The following PSIP1 variants were observed in gnomAD, a reference collection of about 807,000 sequenced individuals.
PSIP1 encodes the protein PC4 and SRSF1 interacting protein 1.
In PSIP1, 19 loss-of-function variants were observed where a neutral mutation model predicts 74.7. The ratio of observed to expected loss-of-function variants is 0.25; its 90% CI spans 0.18 to 0.37. The LOEUF is 0.37. Ranked by LOEUF, PSIP1 falls within the 10% of genes least tolerant of loss-of-function variation. The probability of loss-of-function intolerance (pLI) is 1.00; values close to 1 mark genes in which losing one functional copy is unlikely to be tolerated. For missense variants in PSIP1, 601 were observed against 614.3 expected (o/e 0.98, Z 0.23); for synonymous variants, 222 against 195.3 (o/e 1.14, Z -1.14).
At chr9:15,493,584 AC>A (rs1445055814) in intron 3 of PSIP1, among the ~76,000 whole-genome samples, 1 of 152,204 alleles carries the variant, frequency 6.6e-6, no homozygotes, top group African/African-American at 2.4e-5. Context: ...ATGAGGAAAT[AC>A]CCAAGACTGG....
chr9:15,507,484 C>CA (rs1461786515), intron 2 of PSIP1, among the ~76,000 whole-genome samples: 1 of 151,988 alleles, frequency 6.6e-6, no homozygotes, highest in Non-Finnish European at 1.5e-5. Context: ...CCGGTCTCTA[C>CA]TAAAAATACA....
chr9:15,504,037 G>A (rs370981410), intron 3 of PSIP1, among the ~76,000 whole-genome samples: 5 of 152,152 alleles, frequency 3.3e-5, no homozygotes, highest in East Asian at 1.9e-4. Flanking sequence ...AAGCCACCGC[G>A]CCCAGCCCAA....
chr9:15,492,605 C>A (rs1052688765), intron 3 of PSIP1, among the ~76,000 whole-genome samples: 9 of 152,156 alleles, frequency 5.9e-5, no homozygotes, highest in Non-Finnish European at 8.8e-5. Flanking sequence ...ACAGCCAGTG[C>A]CCCAGTGCGG....
intron 9 of PSIP1, among the ~76,000 whole-genome samples, chr9:15,473,367 C>T (rs1192660092): frequency 2.0e-5 from 3 of 152,148 alleles, no homozygotes; most frequent in East Asian, 1.9e-4. Flanking sequence ...TCACTGGCCA[C>T]AGCCTATTTC....
intron 6 of PSIP1, chr9:15,485,778 T>C (rs1330842923): frequency 2.6e-6 from 1 of 385,770 alleles, no homozygotes; most frequent in Non-Finnish European, 4.6e-6. Flanking sequence ...TTAAAATGAA[T>C]GAAAACTGGT....
chr9:15,478,461 T>A lies in PSIP1; in HGVS notation c.629+16A>T, dbSNP rs763966320. Reference sequence around the variant, plus strand: ...GTCTCATTTATTGCATAATTATACATTAAAAATAAACTCACATGTCACTCT... The same window carrying A: ...GTCTCATTTATTGCATAATTATACAATAAAAATAAACTCACATGTCACTCT... On this transcript the variant is annotated intron_variant, in intron 8 of 15. Transcript: ENST00000380733. 6.5e-7 allele frequency: 1 copy of A among 1,542,340 alleles called. No homozygotes were observed. The highest frequency in any genetic ancestry group is 1.1e-5 in the South Asian group (1 of 88,690).
At chr9:15,493,440 T>A (rs2036926756) in intron 3 of PSIP1, among the ~76,000 whole-genome samples, 1 of 152,198 alleles carries the variant, frequency 6.6e-6, no homozygotes, top group African/African-American at 2.4e-5. Flanking sequence ...CCTGTCTTCT[T>A]GTGAGCCCTC....
chr9:15,481,219 A>C (rs753416815), intron 6 of PSIP1, among the ~76,000 whole-genome samples: 3 of 152,190 alleles, frequency 2.0e-5, no homozygotes, highest in Non-Finnish European at 4.4e-5. Context: ...CTGTGTTTTT[A>C]TAAAGCTCCC....
chr9:15,499,745 G>A (rs1295026253), intron 3 of PSIP1, among the ~76,000 whole-genome samples: 6 of 151,992 alleles, frequency 3.9e-5, no homozygotes, highest in Non-Finnish European at 8.8e-5. Flanking sequence ...TTGGGGGCGC[G>A]TCCCTGTAAT....
intron 8 of PSIP1, among the ~76,000 whole-genome samples, chr9:15,478,127 TAAAAAA>T (rs570873100): frequency 2.8e-5 from 3 of 108,228 alleles, no homozygotes; most frequent in East Asian, 5.0e-4. Context: ...ACCCCATCTT[TAAAAAA>T]AAAAAAAAAA....
At chr9:15,501,866 T>TATATATATATATATATATATAA (rs1491160431) in intron 3 of PSIP1, among the ~76,000 whole-genome samples, 73 of 135,650 alleles carry the variant, frequency 5.4e-4, no homozygotes, top group South Asian at 3.9e-3. Flanking sequence ...TATATATATA[T>TATATATATATATATATATATAA]AAAACGCACA....
At chr9:15,465,659 A>T (rs553811144) in intron 15 of PSIP1, 79 bp from the exon 16 acceptor site, 1 of 1,230,336 alleles carries the variant, frequency 8.1e-7, no homozygotes, top group African/African-American at 1.5e-5. Flanking sequence ...AGTCTGCATT[A>T]TATTTTTAAA....
In PSIP1 at chr9:15,500,205, G is replaced by A. The variant is rs142243453; in HGVS notation, c.149+6356C>T. 8.5e-5 allele frequency among the ~76,000 whole-genome samples: 13 copies of A among 152,242 alleles called. 2 individuals are homozygous for A. In the East Asian group the frequency reaches 1.4e-3, roughly 16 times the overall value. ...AATAGGGCTGGGCGTGGTGGCTCAC[G>A]CCTGTAATCCCAGCACTGTGGAGGC... is the stretch of plus-strand genomic sequence containing the variant. On this transcript the variant is annotated intron_variant, in intron 3 of 15. Coordinates refer to ENST00000380733, the MANE Select transcript of PSIP1 (RefSeq NM_033222.5).
At chr9:15,468,316 A>G (rs2035715078) in intron 14 of PSIP1, 2 of 579,746 alleles carry the variant, frequency 3.4e-6, no homozygotes, top group South Asian at 1.4e-5. Flanking sequence ...CAGCTGAGCA[A>G]CCAGGAAGTG....
At chr9:15,509,306 CTGTT>C (rs2037741372) in intron 2 of PSIP1, among the ~76,000 whole-genome samples, 1 of 152,190 alleles carries the variant, frequency 6.6e-6, no homozygotes, top group South Asian at 2.1e-4. Context: ...CTATCTATCT[CTGTT>C]TGAGAGCCTG....
At position 15,464,570 on chromosome 9, in the gene PSIP1, TG is replaced by T. The variant is rs2035482777; in HGVS notation, c.*949del. The T allele has an allele frequency of 1.0e-5, 2 of 198,896 alleles. No homozygotes were observed. Among genetic ancestry groups the T allele is most frequent in the Middle Eastern group, 1.7e-3 (1 of 586 alleles). The allele number at this position is 198,896 out of a possible 1,614,324, so 12.3% of individuals were successfully genotyped here. The stretch of plus-strand genomic sequence containing the variant: ...CTAGAAAATAAAAACAATATAGCCA[TG>T]ATTTCAAATAGGTGAGTTTCCTTAT... On this transcript the variant is annotated 3_prime_UTR_variant, in exon 16 of 16. Coordinates refer to ENST00000380733, the MANE Select transcript of PSIP1 (RefSeq NM_033222.5).
intron 4 of PSIP1, among the ~76,000 whole-genome samples, chr9:15,488,889 C>T (rs200383460): frequency 6.6e-5 from 10 of 151,778 alleles, no homozygotes; most frequent in East Asian, 3.9e-4. Context: ...GGTGTGGTGG[C>T]GGGCACCTGT....
chr9:15,468,043 C>A (rs1453876556), intron 14 of PSIP1, among the ~76,000 whole-genome samples: 1 of 147,774 alleles, frequency 6.8e-6, no homozygotes, highest in Admixed American at 6.6e-5. Context: ...TCGCTTGAAC[C>A]CAGAAGGTGG....
intron 11 of PSIP1, among the ~76,000 whole-genome samples, 162 bp from the exon 12 acceptor site, chr9:15,469,498 G>GT (rs2035750802): frequency 6.6e-6 from 1 of 152,006 alleles, no homozygotes; most frequent in African/African-American, 2.4e-5. Flanking sequence ...CTAAGAATAA[G>GT]TACTTATTGC....
Sources: allele counts gnomAD v4.1 joint callset (sites outside exome capture counted in the v4.1 genomes callset), GRCh38; gene constraint gnomAD v4.1.1; transcripts MANE v1.5; gene names NCBI Gene and HGNC (gene_info 2026-07-23, HGNC 2026-07-21).